Variants in NAV2 observed in about 807,000 individuals in gnomAD.
NAV2 encodes helicase, APC down-regulated 1.
A neutral mutation model predicts 223.2 loss-of-function variants in NAV2; 54 were observed. The ratio of observed to expected loss-of-function variants is 0.24; its 90% CI spans 0.19 to 0.30. The LOEUF (loss-of-function observed/expected upper bound fraction) is 0.30, where lower values mean the gene tolerates loss of function less well. NAV2 is among the 10% of genes least tolerant of loss of function. NAV2 has a pLI of 1.00. For missense variants in NAV2, 2,806 were observed against 3,147.5 expected, an observed-to-expected ratio of 0.89 and a Z score of 2.60; for synonymous variants, 1,279 against 1,239.3, an observed-to-expected ratio of 1.03 and a Z score of -0.67.
intron 6 of NAV2, among the ~76,000 whole-genome samples, chr11:19,901,511 C>T (rs983436122): frequency 1.7e-4 from 26 of 152,338 alleles, no homozygotes; most frequent in African/African-American, 5.8e-4. Context: ...CACACCACTG[C>T]ACTTCCTCCT....
At chr11:19,853,511 G>T (rs747200157) in intron 3 of NAV2, among the ~76,000 whole-genome samples, 4 of 151,488 alleles carry the variant, frequency 2.6e-5, no homozygotes, top group African/African-American at 9.8e-5. Context: ...TTTTTTTTGT[G>T]TGACTTTTTT....
chr11:20,025,339 G>A (rs2054943542), intron 11 of NAV2, among the ~76,000 whole-genome samples: 1 of 152,220 alleles, frequency 6.6e-6, no homozygotes, highest in Non-Finnish European at 1.5e-5. Context: ...CTCTGTTGAT[G>A]TTTAGGGGAA....
At chr11:19,378,749 G>C (rs2133911141) in intron 1 of NAV2, among the ~76,000 whole-genome samples, 1 of 152,222 alleles carries the variant, frequency 6.6e-6, no homozygotes, top group Non-Finnish European at 1.5e-5. Context: ...TGAAAGAATA[G>C]CTGATCAGCA....
Position 19,484,127 on chromosome 11 carries a change from A to AGCACACAC in NAV2, c.75+133100_75+133101insGCACACAC, listed in dbSNP as rs140586290. Among the ~76,000 whole-genome samples, 198 of 144,896 alleles carry AGCACACAC rather than the reference A, an allele frequency of 1.4e-3. 1 individual carries two copies. The highest frequency in any genetic ancestry group is 4.7e-3 in the African/African-American group (186 of 39,218). ...GACCTTGGATTTGTGACTGATCACAAACACACACACACACACACACACACA... is the reference window on the plus strand; with the variant it reads ...GACCTTGGATTTGTGACTGATCACAAGCACACACACACACACACACACACACACACACA... On this transcript the variant is annotated intron_variant, in intron 1 of 37. Transcript: ENST00000360655.
chr11:19,861,346 G>A (rs1364245633), intron 3 of NAV2, among the ~76,000 whole-genome samples: 1 of 149,220 alleles, frequency 6.7e-6, no homozygotes, highest in Non-Finnish European at 1.5e-5. Flanking sequence ...AGGAGGAAAC[G>A]GAAAGCAGAT....
chr11:19,860,439 C>T (rs1012384360), intron 3 of NAV2, among the ~76,000 whole-genome samples: 2 of 151,274 alleles, frequency 1.3e-5, no homozygotes, highest in East Asian at 2.0e-4. Context: ...GATGGGTGGC[C>T]GGGCAGAGAC....
chr11:19,377,406 G>C (rs1356884039), intron 1 of NAV2, among the ~76,000 whole-genome samples: 2 of 152,150 alleles, frequency 1.3e-5, no homozygotes, highest in Non-Finnish European at 2.9e-5. Flanking sequence ...ACCCTGCTCT[G>C]TTCCTGTTCC....
intron 1 of NAV2, among the ~76,000 whole-genome samples, chr11:19,455,159 G>T (rs566738027): frequency 6.6e-6 from 1 of 152,326 alleles, no homozygotes; most frequent in African/African-American, 2.4e-5. Flanking sequence ...GTAGGGCCAG[G>T]TTGGGTCAGG....
intron 1 of NAV2, among the ~76,000 whole-genome samples, chr11:19,353,161 G>A (rs1367176244): frequency 1.3e-5 from 2 of 152,194 alleles, no homozygotes; most frequent in Non-Finnish European, 2.9e-5. Flanking sequence ...AAGTTACCAA[G>A]CATTCATTGG....
intron 6 of NAV2, among the ~76,000 whole-genome samples, chr11:19,916,931 A>G (rs1428368978): frequency 6.6e-6 from 1 of 152,342 alleles, no homozygotes; most frequent in African/African-American, 2.4e-5. Context: ...TGAAGGATAG[A>G]GAATGGGGAG....
chr11:20,022,918 G>T, intron 11 of NAV2: 1 of 1,359,804 alleles, frequency 7.4e-7, no homozygotes. Context: ...TTTTGTTGGG[G>T]GATCGGATTT....
At chr11:19,466,155 G>C (rs1247748192) in intron 1 of NAV2, among the ~76,000 whole-genome samples, 1 of 152,224 alleles carries the variant, frequency 6.6e-6, no homozygotes, top group Non-Finnish European at 1.5e-5. Context: ...CGATGTGCCA[G>C]ATGGGAAGAC....
intron 11 of NAV2, among the ~76,000 whole-genome samples, chr11:20,033,888 C>T (rs544572148): frequency 5.3e-5 from 8 of 152,280 alleles, no homozygotes; most frequent in East Asian, 3.9e-4. Context: ...CCAGGTTCCA[C>T]GCTGCCACTT....
intron 1 of NAV2, among the ~76,000 whole-genome samples, chr11:19,539,564 A>G (rs531918008): frequency 6.6e-6 from 1 of 152,308 alleles, no homozygotes; most frequent in African/African-American, 2.4e-5. Context: ...CATCATGGTA[A>G]GTTTTAGAGA....
chr11:19,968,267 G>C (rs572081601), intron 10 of NAV2, among the ~76,000 whole-genome samples: 3 of 152,100 alleles, frequency 2.0e-5, no homozygotes, highest in African/African-American at 7.2e-5. Context: ...GCGCAATCTC[G>C]GCTCACTGCA....
chr11:19,736,079 C>T (rs890641044), intron 1 of NAV2, among the ~76,000 whole-genome samples: 5 of 152,124 alleles, frequency 3.3e-5, no homozygotes, highest in African/African-American at 7.2e-5. Context: ...GAGTGAGGTC[C>T]GTGGAGGGTT....
chr11:19,766,799 C>T, intron 1 of NAV2, among the ~76,000 whole-genome samples: 1 of 152,210 alleles, frequency 6.6e-6, no homozygotes, highest in East Asian at 1.9e-4. Flanking sequence ...CCACCTCCTT[C>T]TCCCACCCTG....
chr11:19,681,428 A>G (rs538883277), intron 1 of NAV2, among the ~76,000 whole-genome samples: 63 of 152,124 alleles, frequency 4.1e-4, no homozygotes, highest in African/African-American at 1.5e-3. Flanking sequence ...TAGCGTTTGA[A>G]CCCAGGTCTC....
chr11:19,401,191 A>C (rs1156408250), intron 1 of NAV2, among the ~76,000 whole-genome samples: 1 of 152,246 alleles, frequency 6.6e-6, no homozygotes, highest in Non-Finnish European at 1.5e-5. Context: ...AATATATTTT[A>C]TATGTTAATG....
Sources: allele counts gnomAD v4.1 joint callset (sites outside exome capture counted in the v4.1 genomes callset), GRCh38; gene constraint gnomAD v4.1.1; transcripts MANE v1.5; gene names NCBI Gene and HGNC (gene_info 2026-07-23, HGNC 2026-07-21).